Variants in OSBPL6 observed in about 807,000 individuals in gnomAD.
OSBPL6 encodes the protein oxysterol-binding protein-related protein 6.
A neutral mutation model predicts 125.8 loss-of-function variants in OSBPL6; 49 were observed. That is an observed-to-expected ratio of 0.39 (90% CI 0.31 to 0.49). OSBPL6 has a LOEUF of 0.49. Among genes scored for constraint, OSBPL6 ranks in the 20% least tolerant of loss-of-function variants. The pLI is 0.88. For missense variants in OSBPL6, 986 were observed against 1,135.4 expected (o/e 0.87, Z 1.89); for synonymous variants, 394 against 391.8 (o/e 1.01, Z -0.07).
chr2:178,291,665 TCTTCCTTCCTTC>T lies in OSBPL6; in HGVS notation c.-156+6573_-156+6584del, dbSNP rs71023439. Among the ~76,000 whole-genome samples, 19 of 135,504 alleles carry T rather than the reference TCTTCCTTCCTTC, an allele frequency of 1.4e-4. No individual in the cohort carries two copies. The South Asian group carries it at 2.2e-3, about 15-fold the overall frequency. The allele number at this position is 135,504 out of a possible 152,430, so 88.9% of individuals were successfully genotyped here. ...ATAGAAAATATAGGAACAGGTAGTC[TCTTCCTTCCTTC>T]CTTCCTTCCTTCCTTCCTTCCTTCC... On this transcript the variant is annotated intron_variant, in intron 2 of 24. Coordinates refer to ENST00000190611, the MANE Select transcript of OSBPL6 (RefSeq NM_032523.4).
At chr2:178,382,293 A>T in intron 15 of OSBPL6, 127 bp from the exon 16 acceptor site, 1 of 1,207,352 alleles carries the variant, frequency 8.3e-7, no homozygotes, top group Non-Finnish European at 1.1e-6. Flanking sequence ...ACATATGTCA[A>T]ATACTTTTCC....
chr2:178,383,236 C>T lies in OSBPL6; in HGVS notation c.1834C>T (p.Leu612=). 16 of 1,614,194 alleles carry T rather than the reference C, an allele frequency of 9.9e-6. No homozygotes were observed. Among genetic ancestry groups the T allele is most frequent in the Non-Finnish European group, 1.4e-5 (16 of 1,180,046 alleles). The change falls in exon 17 of 25, where the codon CTG becomes TTG. Residue 612 remains leucine (L), a synonymous_variant. Transcript: ENST00000190611. ...TGAGGAAATGGAATACAGCGAGCTC[C>T]TGGACAAGGCTTCGGAAACTGATGA... is the stretch of plus-strand genomic sequence containing the variant. The part of the protein sequence containing the change: ...LCEEMEYSEL[L]DKASETDDPY...
chr2:178,202,526 A>T (rs912156341), intron 1 of OSBPL6, among the ~76,000 whole-genome samples: 9 of 152,056 alleles, frequency 5.9e-5, no homozygotes, highest in Non-Finnish European at 1.0e-4. Context: ...GGCTGCTTTA[A>T]GATTTCTTTT....
intron 1 of OSBPL6, among the ~76,000 whole-genome samples, chr2:178,251,742 A>C (rs1490732341): frequency 6.6e-6 from 1 of 152,224 alleles, no homozygotes. Context: ...TTCCTATAAC[A>C]GTGACAGTTA....
intron 13 of OSBPL6, among the ~76,000 whole-genome samples, chr2:178,364,740 A>G (rs1454379905): frequency 6.6e-6 from 1 of 152,122 alleles, no homozygotes; most frequent in African/African-American, 2.4e-5. Flanking sequence ...TTAGATATTT[A>G]TGTCTAGAGC....
chr2:178,299,858 A>G (rs1268571918), intron 2 of OSBPL6, among the ~76,000 whole-genome samples: 2 of 152,138 alleles, frequency 1.3e-5, no homozygotes, highest in East Asian at 3.9e-4. Context: ...CACATCAAGG[A>G]TGAGGGTTTG....
chr2:178,273,079 G>C (rs768791466), intron 1 of OSBPL6, among the ~76,000 whole-genome samples: 4 of 152,168 alleles, frequency 2.6e-5, no homozygotes, highest in Non-Finnish European at 4.4e-5. Context: ...AGATGTAATG[G>C]GGAGACTGTT....
intron 1 of OSBPL6, among the ~76,000 whole-genome samples, chr2:178,258,545 T>A (rs1402016178): frequency 6.6e-6 from 1 of 152,148 alleles, no homozygotes; most frequent in African/African-American, 2.4e-5. Context: ...ATCCACCAAC[T>A]CTCAGCCCCA....
intron 1 of OSBPL6, among the ~76,000 whole-genome samples, chr2:178,271,008 C>T (rs1345395190): frequency 1.3e-5 from 2 of 152,082 alleles, no homozygotes; most frequent in Admixed American, 6.6e-5. Context: ...TGTTTAACTC[C>T]GAAACCATGT....
chr2:178,385,742 T>C (rs564584107), intron 19 of OSBPL6, among the ~76,000 whole-genome samples: 12 of 152,334 alleles, frequency 7.9e-5, no homozygotes, highest in Non-Finnish European at 4.4e-5. Context: ...CAATGCTGTA[T>C]GGAATAGCAG....
intron 3 of OSBPL6, among the ~76,000 whole-genome samples, chr2:178,322,935 A>G (rs1688372058): frequency 7.9e-6 from 1 of 126,920 alleles, no homozygotes; most frequent in Admixed American, 8.1e-5. Flanking sequence ...AAAAAAAAAA[A>G]CCTTTAAAAA....
At chr2:178,317,705 C>A (rs1215820593) in intron 3 of OSBPL6, among the ~76,000 whole-genome samples, 1 of 150,168 alleles carries the variant, frequency 6.7e-6, no homozygotes, top group Non-Finnish European at 1.5e-5. Flanking sequence ...AATGAACCTA[C>A]ATAAATATTA....
intron 1 of OSBPL6, among the ~76,000 whole-genome samples, chr2:178,217,237 T>G (rs896515418): frequency 3.9e-5 from 6 of 152,188 alleles, no homozygotes; most frequent in Non-Finnish European, 7.3e-5. Flanking sequence ...GTGAGTTCTT[T>G]GTACTGTTCG....
chr2:178,349,451 T>C, intron 12 of OSBPL6, 62 bp downstream of exon 12: 3 of 1,542,162 alleles, frequency 1.9e-6, no homozygotes, highest in Non-Finnish European at 2.7e-6. Context: ...GATTATCCTT[T>C]GTTCTTTTAT....
intron 13 of OSBPL6, among the ~76,000 whole-genome samples, chr2:178,366,445 C>A (rs28368219): frequency 0.016 from 2,459 of 152,164 alleles, 75 homozygotes; most frequent in African/African-American, 0.056. Flanking sequence ...TCTATTCCAG[C>A]TAGAATCACT....
intron 2 of OSBPL6, among the ~76,000 whole-genome samples, chr2:178,290,859 A>C (rs938526491): frequency 1.3e-5 from 2 of 152,172 alleles, no homozygotes; most frequent in African/African-American, 4.8e-5. Context: ...AAAAGAAAAA[A>C]AAAATGATGA....
chr2:178,231,024 G>T (rs78448105), intron 1 of OSBPL6, among the ~76,000 whole-genome samples: 3 of 152,178 alleles, frequency 2.0e-5, no homozygotes, highest in African/African-American at 7.2e-5. Context: ...TTAACGACAG[G>T]GACACACACA....
chr2:178,259,074 T>C (rs181991140), intron 1 of OSBPL6, among the ~76,000 whole-genome samples: 2 of 152,292 alleles, frequency 1.3e-5, no homozygotes, highest in Admixed American at 1.3e-4. Flanking sequence ...TTCTCTCCAG[T>C]GACAGAGCTG....
At chr2:178,309,291 T>G (rs1049444654) in intron 3 of OSBPL6, among the ~76,000 whole-genome samples, 4 of 152,220 alleles carry the variant, frequency 2.6e-5, no homozygotes, top group Non-Finnish European at 5.9e-5. Flanking sequence ...TCATCTGTAT[T>G]GTGAGCTCTC....
Sources: gnomAD v4.1 joint callset for allele counts (sites outside exome capture counted in the v4.1 genomes callset) on GRCh38, gnomAD v4.1.1 for gene constraint, MANE v1.5 for transcripts, NCBI Gene and HGNC (gene_info 2026-07-23, HGNC 2026-07-21) for gene names.